Variants in NUP107 observed in about 807,000 individuals in gnomAD.
NUP107 encodes the protein nucleoporin 107.
A neutral mutation model predicts 141.0 loss-of-function variants in NUP107; 101 were observed. The ratio of observed to expected loss-of-function variants is 0.72; its 90% CI spans 0.61 to 0.84. The LOEUF is 0.84. NUP107 is among the 40% of genes least tolerant of loss of function. The pLI, the probability that NUP107 is intolerant of heterozygous loss-of-function variation, is 0.00. For missense variants in NUP107, 941 were observed against 1,102.7 expected (o/e 0.85, Z 2.08); for synonymous variants, 319 against 363.9 (o/e 0.88, Z 1.41).
At chr12:68,734,622 GAATC>G in intron 24 of NUP107, 82 bp from the exon 25 acceptor site, 2 of 1,044,456 alleles carry the variant, frequency 1.9e-6, no homozygotes, top group Non-Finnish European at 2.7e-6. Flanking sequence ...TTATTTCTAA[GAATC>G]AAATGTTAAA....
At chr12:68,687,808 G>A in intron 1 of NUP107, 2 of 246,902 alleles carry the variant, frequency 8.1e-6, no homozygotes, top group Non-Finnish European at 1.3e-5. Flanking sequence ...CTATGAGATG[G>A]GTACTGTTAT....
chr12:68,719,680 T>C (rs1022916433), intron 14 of NUP107, 26 bp downstream of exon 14: 3 of 1,487,470 alleles, frequency 2.0e-6, no homozygotes, highest in Admixed American at 1.7e-5. Context: ...TATTCAGTGA[T>C]ACTGTTTTTA....
Position 68,735,315 on chromosome 12 carries a change from G to C in NUP107, c.2473G>C (p.Asp825His). 6.2e-7 allele frequency: 1 copy of C among 1,614,022 alleles called. No homozygotes were observed. ...AATGTATAACGTCTTGTTGTTTGTT[G>C]ATGGAGGGTGGATGGTGGATGTTAG... ...EKMYNVLLFV[D>H]GGWMVDVRED... Residue 825 changes from aspartate to histidine, a missense_variant, in exon 26 of 28, where the codon GAT (aspartate) becomes CAT (histidine). Coordinates refer to ENST00000229179, the MANE Select transcript of NUP107 (RefSeq NM_020401.4).
At position 68,721,821 on chromosome 12, in the gene NUP107, G is replaced by A. The variant is rs763663425; in HGVS notation, c.1312-20G>A. On this transcript the variant is annotated intron_variant, in intron 15 of 27. Coordinates refer to ENST00000229179, the MANE Select transcript of NUP107 (RefSeq NM_020401.4). ...CTGTTGAATATGTCTATATGTTTCT[G>A]TTTTGTAATGGGGAAAAAGCTGCTT... 1.5e-5 allele frequency: 24 copies of A among 1,608,320 alleles called. No homozygotes were observed. In the South Asian group the frequency reaches 2.1e-4, roughly 14 times the overall value.
chr12:68,735,038 G>A lies in NUP107; in HGVS notation c.2389-193G>A, dbSNP rs192983243. On this transcript the variant is annotated intron_variant, in intron 25 of 27. Coordinates refer to ENST00000229179, the MANE Select transcript of NUP107 (RefSeq NM_020401.4). ...TGAAAAATGCCTTCAGGTGACATGA[G>A]CGTTCATTTACAAAGTTAACATTTT... 2.0e-5 allele frequency among the ~76,000 whole-genome samples: 3 copies of A among 152,256 alleles called. No individual in the cohort carries two copies. The East Asian group carries it at 5.8e-4, about 29-fold the overall frequency.
intron 10 of NUP107, among the ~76,000 whole-genome samples, chr12:68,711,365 TAAATA>T (rs1467175163): frequency 1.4e-5 from 2 of 144,978 alleles, no homozygotes; most frequent in Non-Finnish European, 3.0e-5. Context: ...AATAAATAAA[TAAATA>T]AAATAAAAGT....
At chr12:68,705,756 G>T in intron 8 of NUP107, 2 of 721,972 alleles carry the variant, frequency 2.8e-6, no homozygotes, top group East Asian at 2.6e-5. Flanking sequence ...TCTCCCGAAT[G>T]GGCAGCAGCA....
intron 9 of NUP107, among the ~76,000 whole-genome samples, chr12:68,709,695 C>G (rs946845503): frequency 2.6e-5 from 4 of 151,856 alleles, no homozygotes; most frequent in Non-Finnish European, 5.9e-5. Context: ...TCGAGACCAT[C>G]TGGCTAACAG....
At chr12:68,699,826 GTA>G (rs1876241244) in intron 6 of NUP107, among the ~76,000 whole-genome samples, 1 of 152,124 alleles carries the variant, frequency 6.6e-6, no homozygotes, top group Admixed American at 6.6e-5. Flanking sequence ...ACAATTGTGT[GTA>G]TGTTTCTAGG....
At position 68,726,513 on chromosome 12, in the gene NUP107, T is replaced by A; in HGVS notation, c.1591T>A (p.Phe531Ile). The A allele has an allele frequency of 6.2e-7, 1 of 1,612,062 alleles. No homozygotes were observed. Among genetic ancestry groups the A allele is most frequent in the South Asian group, 1.1e-5 (1 of 91,028 alleles). Residue 531 changes from phenylalanine (F) to isoleucine (I), a missense_variant, in exon 19 of 28, where the codon TTT becomes ATT. Phe to Ile is a conservative substitution (Grantham distance 21). Coordinates refer to ENST00000229179, the MANE Select transcript of NUP107 (RefSeq NM_020401.4). ...LGDIDGLMDE[F>I]SKWLSKSRNN... is the part of the protein sequence containing the mutation. ...ATGGCTTGTAGGTTTGATGGATGAG[T>A]TTAGCAAATGGCTTTCCAAAAGCAG...
chr12:68,713,617 T>C, intron 10 of NUP107, 113 bp from the exon 11 acceptor site: 1 of 758,064 alleles, frequency 1.3e-6, no homozygotes, highest in Non-Finnish European at 2.2e-6. Flanking sequence ...GATTTTTGCA[T>C]GTTTTTACTG....
chr12:68,702,625 A>T, intron 7 of NUP107, 111 bp from the exon 8 acceptor site: 1 of 692,364 alleles, frequency 1.4e-6, no homozygotes, highest in East Asian at 3.0e-5. Context: ...TAAATAATAA[A>T]AAATTTTTAA....
chr12:68,724,836 G>C (rs1054602237), intron 17 of NUP107, among the ~76,000 whole-genome samples: 4 of 151,856 alleles, frequency 2.6e-5, no homozygotes, highest in Non-Finnish European at 5.9e-5. Context: ...AGTAGTTAGA[G>C]GGTACTTGCC....
intron 10 of NUP107, 48 bp from the exon 11 acceptor site, chr12:68,713,682 C>T: frequency 8.1e-7 from 1 of 1,233,960 alleles, no homozygotes; most frequent in East Asian, 2.3e-5. Context: ...AAAAATAGAC[C>T]TATTAAAATT....
intron 14 of NUP107, among the ~76,000 whole-genome samples, chr12:68,720,129 A>G (rs1465015583): frequency 6.6e-6 from 1 of 152,192 alleles, no homozygotes; most frequent in African/African-American, 2.4e-5. Context: ...ACAATGTACA[A>G]CATTGTGCAA....
chr12:68,707,526 G>A (rs1260990467), intron 8 of NUP107, among the ~76,000 whole-genome samples: 2 of 152,202 alleles, frequency 1.3e-5, no homozygotes, highest in African/African-American at 4.8e-5. Context: ...TTGTGCCCAG[G>A]AGGTCAAGAA....
chr12:68,731,758 T>G (rs1877841671), intron 22 of NUP107, 39 bp downstream of exon 22: 1 of 1,088,498 alleles, frequency 9.2e-7, no homozygotes, highest in Non-Finnish European at 1.3e-6. Flanking sequence ...CTATAACTTC[T>G]AATAATCTTT....
chr12:68,693,832 T>G (rs1161179382), intron 5 of NUP107, among the ~76,000 whole-genome samples: 1 of 152,228 alleles, frequency 6.6e-6, no homozygotes, highest in Non-Finnish European at 1.5e-5. Context: ...TTTGTGCTGT[T>G]GAAAGAGCAT....
Position 68,731,144 on chromosome 12 carries a change from C to T in NUP107, c.1769C>T (p.Ala590Val). The part of the protein sequence containing the change: ...LIREKHTNLI[A>V]FYTCHLPQDL... Reference sequence around the variant, plus strand: ...AGAGAGAAACATACAAATCTTATAGCATTTTATACCTGTCATTTGCCTCAA... The same window carrying T: ...AGAGAGAAACATACAAATCTTATAGTATTTTATACCTGTCATTTGCCTCAA... The change falls in exon 21 of 28, where the codon GCA becomes GTA. Residue 590 changes from alanine (A) to valine (V), a missense_variant. Transcript: ENST00000229179. 3 of 1,601,950 alleles carry T rather than the reference C, an allele frequency of 1.9e-6. No homozygotes were observed. The highest frequency in any genetic ancestry group is 2.6e-6 in the Non-Finnish European group (3 of 1,174,688).
Sources: allele counts gnomAD v4.1 joint callset (sites outside exome capture counted in the v4.1 genomes callset), GRCh38; gene constraint gnomAD v4.1.1; transcripts MANE v1.5; gene names NCBI Gene and HGNC (gene_info 2026-07-23, HGNC 2026-07-21).